Variants in PDPN observed in about 807,000 individuals in gnomAD.
PDPN encodes the protein podoplanin.
In PDPN, 12 loss-of-function variants were observed where a neutral mutation model predicts 23.2. That is an observed-to-expected ratio of 0.52 (90% CI 0.33 to 0.84). The LOEUF (loss-of-function observed/expected upper bound fraction) is 0.84. PDPN is among the 40% of genes least tolerant of loss of function. The pLI is 0.02. For missense variants in PDPN, 199 were observed against 212.2 expected (o/e 0.94, Z 0.39); for synonymous variants, 77 against 76.7 (o/e 1.00, Z -0.02).
At position 13,584,091 on chromosome 1, in the gene PDPN, G is replaced by A. The variant is rs141888769; in HGVS notation, c.58G>A (p.Ala20Thr). The A allele has an allele frequency of 5.0e-6, 8 of 1,612,928 alleles. No individual in the cohort carries two copies. The highest frequency in any genetic ancestry group is 3.3e-5 in the Admixed American group (2 of 60,008). ...GGGAAGCGCGTCGCTCTGGGTCCTG[G>A]CAGAAGGAGGTAAGACCCAGCGCAA... ...VLGSASLWVL[A>T]EGASTGQPED... Residue 20 changes from alanine to threonine, a missense_variant, in exon 1 of 6, where the codon GCA becomes ACA. By Grantham distance (58) the Ala-to-Thr change is moderately conservative. Coordinates refer to ENST00000621990, the MANE Select transcript of PDPN (RefSeq NM_006474.5).
At chr1:13,607,718 AT>A (rs1341969377) in intron 2 of PDPN, among the ~76,000 whole-genome samples, 1 of 152,166 alleles carries the variant, frequency 6.6e-6, no homozygotes, top group Non-Finnish European at 1.5e-5. Context: ...AGGAGCCAGG[AT>A]TTTACATTTC....
chr1:13,605,267 A>G (rs979831793), intron 1 of PDPN, among the ~76,000 whole-genome samples: 3 of 150,792 alleles, frequency 2.0e-5, no homozygotes, highest in Non-Finnish European at 4.5e-5. Context: ...TGGATTGCTA[A>G]TGTAAGTGCT....
chr1:13,614,518 C>T (rs1015708465), intron 5 of PDPN, 107 bp downstream of exon 5: 6 of 710,060 alleles, frequency 8.4e-6, no homozygotes, highest in African/African-American at 1.8e-5. Flanking sequence ...GGTGTGGTGG[C>T]TCGTGCCTGT....
chr1:13,603,583 CA>C (rs1640704844), intron 1 of PDPN, among the ~76,000 whole-genome samples: 1 of 151,674 alleles, frequency 6.6e-6, no homozygotes, highest in Non-Finnish European at 1.5e-5. Flanking sequence ...ATAGAAACTT[CA>C]GCCTAGCTTT....
chr1:13,605,363 G>C (rs1214397859), intron 1 of PDPN, among the ~76,000 whole-genome samples: 1 of 152,220 alleles, frequency 6.6e-6, no homozygotes, highest in Non-Finnish European at 1.5e-5. Flanking sequence ...GGATGTGTAT[G>C]CTTGTTTATT....
intron 1 of PDPN, among the ~76,000 whole-genome samples, chr1:13,601,499 G>C (rs958968261): frequency 2.0e-5 from 3 of 152,204 alleles, no homozygotes; most frequent in African/African-American, 7.2e-5. Flanking sequence ...TGGGACTGCA[G>C]GCATGTGCTA....
chr1:13,603,017 A>AATAT (rs34360951), intron 1 of PDPN, among the ~76,000 whole-genome samples: 3 of 149,172 alleles, frequency 2.0e-5, no homozygotes, highest in Non-Finnish European at 3.0e-5. Context: ...TGTCTCTACA[A>AATAT]ATATATATAT....
intron 1 of PDPN, among the ~76,000 whole-genome samples, chr1:13,593,184 A>G (rs1418706042): frequency 6.6e-6 from 1 of 152,246 alleles, no homozygotes; most frequent in African/African-American, 2.4e-5. Flanking sequence ...CACGATAGAC[A>G]CATAGGAATG....
intron 1 of PDPN, among the ~76,000 whole-genome samples, chr1:13,590,108 G>A (rs762374846): frequency 1.3e-5 from 2 of 152,200 alleles, no homozygotes; most frequent in Non-Finnish European, 2.9e-5. Context: ...AATTACAGGC[G>A]TAAGCCACCG....
In PDPN at chr1:13,610,516, G is replaced by A. The variant is rs755002946; in HGVS notation, c.331G>A (p.Glu111Lys). 6.2e-7 allele frequency: 1 copy of A among 1,612,824 alleles called. No individual in the cohort carries two copies. Among genetic ancestry groups the A allele is most frequent in the Non-Finnish European group, 8.5e-7 (1 of 1,179,490 alleles). Residue 111 changes from glutamate to lysine, a missense_variant and splice_region_variant, in exon 3 of 6, where the codon GAG (glutamate) becomes AAG (lysine). Transcript: ENST00000621990. ...ASNVATSHST[E>K]KVDGDTQTTV... is the part of the protein sequence containing the mutation. ...AAACGTGGCCACCAGTCACTCCACG[G>A]GTAAGAAAACCAGCCACCTCCATGG...
chr1:13,597,300 A>T (rs997694673), intron 1 of PDPN, among the ~76,000 whole-genome samples: 1 of 152,338 alleles, frequency 6.6e-6, no homozygotes, highest in South Asian at 2.1e-4. Context: ...TTATTTGCAC[A>T]TTTAGACACT....
intron 1 of PDPN, among the ~76,000 whole-genome samples, chr1:13,587,474 G>GGGAGGA (rs531647187): frequency 7.2e-5 from 11 of 152,044 alleles, no homozygotes; most frequent in African/African-American, 2.4e-4. Context: ...AATACGACGG[G>GGGAGGA]GGAGGAGGAG....
At position 13,607,178 on chromosome 1, in the gene PDPN, A is replaced by G. The variant is rs374650919; in HGVS notation, c.73A>G (p.Thr25Ala). The change falls in exon 2 of 6, where the codon ACA becomes GCA. Residue 25 changes from threonine to alanine, a missense_variant. By Grantham distance (58) the Thr-to-Ala change is moderately conservative. Transcript: ENST00000621990. ...SLWVLAEGAS[T>A]GQPEDDTETT... ...ACTCAATCTTTCTTCTTCAGCCAGC[A>G]CAGGCCAGCCAGAAGATGACACTGA... The G allele has an allele frequency of 6.2e-7, 1 of 1,613,844 alleles. No homozygotes were observed. Among genetic ancestry groups the G allele is most frequent in the African/African-American group, 1.3e-5 (1 of 74,938 alleles).
chr1:13,584,649 C>T lies in PDPN; in HGVS notation c.67+549C>T, dbSNP rs182382795. ...ACCCCGTCACTGGACTGGAAGAGGC[C>T]TCCTTTATCCTCTTTAGAGAGGATA... is the stretch of plus-strand genomic sequence containing the variant. On this transcript the variant is annotated intron_variant, in intron 1 of 5. Transcript: ENST00000621990. Among the ~76,000 whole-genome samples the T allele has an allele frequency of 1.1e-4, 16 of 152,336 alleles. No homozygotes were observed. In the East Asian group the frequency reaches 2.7e-3, roughly 26 times the overall value.
rs1286915170 is a variant in PDPN at position 13,616,000 on chromosome 1, A to G, written c.*89A>G. 7.9e-7 allele frequency: 1 copy of G among 1,270,872 alleles called. No individual in the cohort carries two copies. The highest frequency in any genetic ancestry group is 1.5e-5 in the African/African-American group (1 of 68,112). The allele number at this position is 1,270,872 out of a possible 1,614,324, so 78.7% of individuals were successfully genotyped here. ...CCTGTCCCTGAGCTCGTGGGAGAAGATGACCCGTGGAACACTTGCCTGGCC... is the reference window on the plus strand; with the variant it reads ...CCTGTCCCTGAGCTCGTGGGAGAAGGTGACCCGTGGAACACTTGCCTGGCC... On this transcript the variant is annotated 3_prime_UTR_variant, in exon 6 of 6. Transcript: ENST00000621990.
At chr1:13,610,711 C>T (rs1640911391) in intron 3 of PDPN, among the ~76,000 whole-genome samples, 195 bp downstream of exon 3, 1 of 152,180 alleles carries the variant, frequency 6.6e-6, no homozygotes, top group Non-Finnish European at 1.5e-5. Flanking sequence ...GCTGAACGTA[C>T]CTCTCTACCT....
chr1:13,607,354 C>T (rs566734299), intron 2 of PDPN, 48 bp downstream of exon 2: 78 of 1,511,862 alleles, frequency 5.2e-5, no homozygotes, highest in Non-Finnish European at 6.6e-5. Flanking sequence ...CATGTGATCA[C>T]ATGCAAGGCT....
At position 13,588,542 on chromosome 1, in the gene PDPN, G is replaced by C. The variant is rs576790892; in HGVS notation, c.67+4442G>C. On this transcript the variant is annotated intron_variant, in intron 1 of 5. Coordinates refer to ENST00000621990, the MANE Select transcript of PDPN (RefSeq NM_006474.5). ...GATGTTTAAACCTTCCCTGCCCAAAGAATTAACTGATTTAACAAATATTTT... is the reference window on the plus strand; with the variant it reads ...GATGTTTAAACCTTCCCTGCCCAAACAATTAACTGATTTAACAAATATTTT... 3.4e-5 allele frequency among the ~76,000 whole-genome samples: 4 copies of C among 118,214 alleles called. No individual in the cohort carries two copies. The East Asian group carries it at 8.1e-4, about 24-fold the overall frequency. 77.6% of individuals were successfully genotyped at this position (118,214 alleles called of 152,430 possible).
intron 2 of PDPN, among the ~76,000 whole-genome samples, chr1:13,609,450 AT>A (rs1640878420): frequency 6.6e-6 from 1 of 152,200 alleles, no homozygotes; most frequent in South Asian, 2.1e-4. Context: ...GGTTAAAAAA[AT>A]AACATGAAAT....
Sources: gnomAD v4.1 joint callset for allele counts (sites outside exome capture counted in the v4.1 genomes callset) on GRCh38, gnomAD v4.1.1 for gene constraint, MANE v1.5 for transcripts, NCBI Gene and HGNC (gene_info 2026-07-23, HGNC 2026-07-21) for gene names.